Variants in NR1H4 observed in about 807,000 individuals in gnomAD.
The protein encoded by NR1H4 is nuclear receptor subfamily 1 group H member 4.
A neutral mutation model predicts 58.5 loss-of-function variants in NR1H4; 23 were observed. The observed-to-expected ratio is 0.39, with a 90% CI of 0.28 to 0.56. The LOEUF is 0.56. NR1H4 is among the 20% of genes least tolerant of loss of function. The pLI, the probability that NR1H4 is intolerant of heterozygous loss-of-function variation, is 0.58. For missense variants in NR1H4, 487 were observed against 576.9 expected, an observed-to-expected ratio of 0.84 and a Z score of 1.60; for synonymous variants, 214 against 198.0, an observed-to-expected ratio of 1.08 and a Z score of -0.68.
intron 3 of NR1H4, chr12:100,505,526 G>A (rs1953939199): frequency 1.4e-6 from 1 of 693,054 alleles, no homozygotes; most frequent in African/African-American, 1.8e-5. Context: ...TAGAGAAGGT[G>A]TTGAAACCTG....
At chr12:100,495,279 T>A (rs1953689450) in intron 3 of NR1H4, among the ~76,000 whole-genome samples, 1 of 152,212 alleles carries the variant, frequency 6.6e-6, no homozygotes, top group African/African-American at 2.4e-5. Flanking sequence ...GCTGGAGCAG[T>A]TTCCTCAACT....
intron 4 of NR1H4, among the ~76,000 whole-genome samples, chr12:100,511,931 AT>A (rs1234074106): frequency 0.025 from 3,522 of 143,202 alleles, 106 homozygotes; most frequent in African/African-American, 0.075. Context: ...TCAAAAAATA[AT>A]TTTTTTTTTT....
At chr12:100,476,964 A>C (rs117463829) in intron 1 of NR1H4, among the ~76,000 whole-genome samples, 2 of 152,186 alleles carry the variant, frequency 1.3e-5, no homozygotes, top group Non-Finnish European at 2.9e-5. Flanking sequence ...AGTTTCTACC[A>C]GTGAAGATGT....
At chr12:100,475,963 A>C (rs1460830987) in intron 1 of NR1H4, among the ~76,000 whole-genome samples, 1 of 151,944 alleles carries the variant, frequency 6.6e-6, no homozygotes, top group Non-Finnish European at 1.5e-5. Context: ...CGAACTCTTG[A>C]CCTCAGGTGA....
chr12:100,544,554 TTCTGCAG>T (rs749423467), intron 9 of NR1H4, among the ~76,000 whole-genome samples: 1 of 152,138 alleles, frequency 6.6e-6, no homozygotes, highest in Non-Finnish European at 1.5e-5. Context: ...TTAATATTTA[TTCTGCAG>T]TCTTGCCTCA....
intron 9 of NR1H4, among the ~76,000 whole-genome samples, chr12:100,556,521 A>G (rs1452275454): frequency 6.6e-6 from 1 of 152,042 alleles, no homozygotes; most frequent in Non-Finnish European, 1.5e-5. Flanking sequence ...GTACAAAATA[A>G]TTCATCACCT....
intron 4 of NR1H4, among the ~76,000 whole-genome samples, chr12:100,528,727 G>C (rs903933805): frequency 6.6e-6 from 1 of 152,216 alleles, no homozygotes; most frequent in African/African-American, 2.4e-5. Context: ...GCTATTCAGA[G>C]TGAAAGCTAA....
At chr12:100,549,060 C>T (rs1446299081) in intron 9 of NR1H4, among the ~76,000 whole-genome samples, 6 of 152,006 alleles carry the variant, frequency 3.9e-5, no homozygotes, top group Admixed American at 6.6e-5. Context: ...CATTCCAGGC[C>T]GGGCACAGTG....
chr12:100,531,491 C>T (rs756298059), intron 4 of NR1H4, among the ~76,000 whole-genome samples: 10 of 152,024 alleles, frequency 6.6e-5, no homozygotes, highest in African/African-American at 9.7e-5. Flanking sequence ...GAAAGTATCC[C>T]GAAGATGAGA....
At chr12:100,508,594 G>T (rs1028156059) in intron 3 of NR1H4, among the ~76,000 whole-genome samples, 1 of 152,040 alleles carries the variant, frequency 6.6e-6, no homozygotes, top group African/African-American at 2.4e-5. Context: ...TGTGCCTCAT[G>T]GTACTCATTT....
intron 3 of NR1H4, among the ~76,000 whole-genome samples, chr12:100,500,730 G>A (rs1455028042): frequency 6.6e-6 from 1 of 152,072 alleles, no homozygotes; most frequent in African/African-American, 2.4e-5. Flanking sequence ...TAAGTATCTG[G>A]TGCTTCTCCC....
At chr12:100,551,552 G>A (rs955465464) in intron 9 of NR1H4, among the ~76,000 whole-genome samples, 13 of 152,192 alleles carry the variant, frequency 8.5e-5, no homozygotes, top group Admixed American at 8.5e-4. Context: ...GTGGTCACAT[G>A]CTAACTTTTG....
At chr12:100,560,841 G>A (rs1452618774) in intron 9 of NR1H4, among the ~76,000 whole-genome samples, 1 of 152,176 alleles carries the variant, frequency 6.6e-6, no homozygotes, top group Non-Finnish European at 1.5e-5. Context: ...AGGAGAGGGA[G>A]CACCAGGTGA....
intron 9 of NR1H4, among the ~76,000 whole-genome samples, chr12:100,545,670 C>G (rs11830097): frequency 1.1e-5 from 1 of 87,176 alleles, no homozygotes; most frequent in Non-Finnish European, 2.2e-5. Flanking sequence ...AAAAAAAAAA[C>G]CAAACGGGGG....
intron 4 of NR1H4, among the ~76,000 whole-genome samples, chr12:100,527,631 C>A (rs559315396): frequency 6.6e-4 from 101 of 152,344 alleles, no homozygotes; most frequent in African/African-American, 1.6e-3. Context: ...AAATTAACTT[C>A]TTTGTAACTC....
chr12:100,490,348 A>G (rs1953580346), intron 1 of NR1H4, among the ~76,000 whole-genome samples: 1 of 152,226 alleles, frequency 6.6e-6, no homozygotes, highest in Non-Finnish European at 1.5e-5. Flanking sequence ...CAAGGTTAAA[A>G]AAGACAGATG....
chr12:100,560,548 C>T (rs1955446307), intron 9 of NR1H4, among the ~76,000 whole-genome samples: 1 of 152,258 alleles, frequency 6.6e-6, no homozygotes. Context: ...CCAGCGAGAC[C>T]ATGAACCCAC....
intron 9 of NR1H4, among the ~76,000 whole-genome samples, chr12:100,543,338 G>A (rs1158795623): frequency 6.6e-6 from 1 of 152,116 alleles, no homozygotes; most frequent in Non-Finnish European, 1.5e-5. Context: ...TTGAGCAGAG[G>A]AGGGAAAATG....
intron 4 of NR1H4, among the ~76,000 whole-genome samples, chr12:100,515,172 T>G (rs2136174980): frequency 6.8e-6 from 1 of 146,200 alleles, no homozygotes; most frequent in African/African-American, 2.6e-5. Flanking sequence ...AAGCTTTTTT[T>G]TTTTTTTTTT....
Sources: allele counts gnomAD v4.1 joint callset (sites outside exome capture counted in the v4.1 genomes callset), GRCh38; gene constraint gnomAD v4.1.1; transcripts MANE v1.5; gene names NCBI Gene and HGNC (gene_info 2026-07-23, HGNC 2026-07-21).